Variants in ENTR1 observed in about 807,000 individuals in gnomAD.
The protein encoded by ENTR1 is endosome-associated-trafficking regulator 1.
ENTR1 carries 47 observed loss-of-function variants against 47.9 expected under a neutral mutation model. The observed-to-expected ratio is 0.98, with a 90% CI of 0.78 to 1.25. The LOEUF (loss-of-function observed/expected upper bound fraction) is 1.25. Ranked by LOEUF, ENTR1 falls within the 50% of genes most tolerant of loss-of-function variation. The pLI is 0.00. For synonymous variants in ENTR1, 290 were observed against 245.8 expected, an observed-to-expected ratio of 1.18 and a Z score of -1.68; for missense variants, 668 against 570.5, an observed-to-expected ratio of 1.17 and a Z score of -1.74.
rs771038314 is a variant in ENTR1 at position 136,405,206 on chromosome 9, G to A, written c.894-4C>T. 1 of 1,611,432 alleles carries A rather than the reference G, an allele frequency of 6.2e-7. No homozygotes were observed. Among genetic ancestry groups the A allele is most frequent in the Non-Finnish European group, 8.5e-7 (1 of 1,177,712 alleles). On this transcript the variant is annotated splice_polypyrimidine_tract_variant and splice_region_variant and intron_variant, in intron 6 of 9. Transcript: ENST00000357365. ...CTTCCGCTCAAGCGTCCTCACCCTT[G>A]TTAAAGAAAAACCCGAGTTGTTAAT...
rs138709272 is a variant in ENTR1, at chr9:136,403,578, G to A, written c.1208+477C>T. On this transcript the variant is annotated intron_variant, in intron 9 of 9. Transcript: ENST00000357365. ...CCCACACCTGACTTCACAGGAGACGGCTCCCTTGTTCACAGGGAGTGCTCT... is the reference window on the plus strand; with the variant it reads ...CCCACACCTGACTTCACAGGAGACGACTCCCTTGTTCACAGGGAGTGCTCT... Among the ~76,000 whole-genome samples, 221 of 152,148 alleles carry A rather than the reference G, an allele frequency of 1.5e-3. 1 individual carries two copies. The highest frequency in any genetic ancestry group is 5.0e-3 in the African/African-American group (209 of 41,496).
intron 7 of ENTR1, 134 bp from the exon 8 acceptor site, chr9:136,404,827 C>G: frequency 1.2e-6 from 1 of 843,744 alleles, no homozygotes; most frequent in Non-Finnish European, 1.9e-6. Context: ...GTGCCCCTCC[C>G]AGTCCCGCCT....
At position 136,403,979 on chromosome 9, in the gene ENTR1, C is replaced by A. The variant is rs570521942; in HGVS notation, c.1208+76G>T. ...CCACGGTGCCATCAGCCTGGGCCCC[C>A]ACCCAGGATCACTGACGACCACTCC... On this transcript the variant is annotated intron_variant, in intron 9 of 9. Coordinates refer to ENST00000357365, the MANE Select transcript of ENTR1 (RefSeq NM_001039707.2). The A allele has an allele frequency of 7.5e-6, 11 of 1,472,330 alleles. No individual in the cohort carries two copies. The South Asian group carries it at 1.1e-4, about 15-fold the overall frequency. The allele number at this position is 1,472,330 out of a possible 1,614,324, so 91.2% of individuals were successfully genotyped here.
At chr9:136,410,307 C>T in intron 1 of ENTR1, 21 bp downstream of exon 1, 6 of 1,549,886 alleles carry the variant, frequency 3.9e-6, no homozygotes, top group Non-Finnish European at 5.2e-6. Context: ...GACCGCTGGA[C>T]TCGGCCCCTG....
chr9:136,406,120 A>C lies in ENTR1; in HGVS notation c.820-142T>G, dbSNP rs888422161. 1.4e-5 allele frequency: 7 copies of C among 509,756 alleles called. No individual in the cohort carries two copies. In the African/African-American group the frequency reaches 1.4e-4, roughly 10 times the overall value. 31.6% of individuals were successfully genotyped at this position (509,756 alleles called of 1,614,324 possible). ...ATCCACCTGCAGCCACTACAGAGGG[A>C]GACCACAGACGGAGGCAGGCACTTT... On this transcript the variant is annotated intron_variant, in intron 5 of 9. Coordinates refer to ENST00000357365, the MANE Select transcript of ENTR1 (RefSeq NM_001039707.2).
chr9:136,409,133 T>C, intron 2 of ENTR1, 66 bp from the exon 3 acceptor site: 11 of 1,473,124 alleles, frequency 7.5e-6, no homozygotes, highest in Non-Finnish European at 1.0e-5. Flanking sequence ...TTTGGTTTTT[T>C]TCTTTTGCAC....
At chr9:136,409,925 T>G in intron 2 of ENTR1, 165 bp downstream of exon 2, 1 of 851,786 alleles carries the variant, frequency 1.2e-6, no homozygotes, top group Non-Finnish European at 2.0e-6. Context: ...GCAACCAGAC[T>G]GTGAGCTCCT....
intron 2 of ENTR1, 52 bp from the exon 3 acceptor site, chr9:136,409,119 C>G: frequency 6.4e-7 from 1 of 1,555,920 alleles, no homozygotes; most frequent in Non-Finnish European, 8.9e-7. Context: ...TTTATGACCT[C>G]ACATTTGGTT....
At position 136,404,077 on chromosome 9, in the gene ENTR1, T is replaced by G; in HGVS notation, c.1186A>C (p.Asn396His). The G allele has an allele frequency of 6.2e-7, 1 of 1,612,746 alleles. No individual in the cohort carries two copies. The highest frequency in any genetic ancestry group is 8.5e-7 in the Non-Finnish European group (1 of 1,179,660). Residue 396 changes from asparagine (N) to histidine (H), a missense_variant, in exon 9 of 10, where the codon AAC (asparagine) becomes CAC (histidine). Physicochemically the swap from Asn to His is moderately conservative, Grantham distance 68. Coordinates refer to ENST00000357365, the MANE Select transcript of ENTR1 (RefSeq NM_001039707.2). ...CACTTGATGGAAGCCTGTGCACTGT[T>G]CATGACCACCCGGAGGTTCTGCAGG... Reference protein sequence around the residue: ...VALQNLRVVMNSAQASIKQLV... With the variant: ...VALQNLRVVMHSAQASIKQLV...
Position 136,409,966 on chromosome 9 carries a change from G to C in ENTR1, c.220+124C>G, listed in dbSNP as rs746335300. 1.2e-5 allele frequency: 14 copies of C among 1,195,178 alleles called. No individual in the cohort carries two copies. In the South Asian group the frequency reaches 1.8e-4, roughly 15 times the overall value. 74.0% of individuals were successfully genotyped at this position (1,195,178 alleles called of 1,614,324 possible). On this transcript the variant is annotated intron_variant, in intron 2 of 9. Coordinates refer to ENST00000357365, the MANE Select transcript of ENTR1 (RefSeq NM_001039707.2). The stretch of plus-strand genomic sequence containing the variant: ...GGGACTCCGCCTTTGAATTCCGAGT[G>C]CCTGGCACGCAGTGAGCGCTCTGCA...
At chr9:136,408,924 T>G (rs1588796262) in intron 3 of ENTR1, 75 bp downstream of exon 3, 1 of 1,183,758 alleles carries the variant, frequency 8.4e-7, no homozygotes. Context: ...CCAGTCACAT[T>G]GACAGTCCCA....
intron 7 of ENTR1, 152 bp from the exon 8 acceptor site, chr9:136,404,845 C>T (rs1243132345): frequency 1.3e-6 from 1 of 753,006 alleles, no homozygotes; most frequent in East Asian, 2.7e-5. Context: ...CCTCCACTCT[C>T]AGACCACCCC....
At chr9:136,404,438 A>C (rs1834662176) in intron 8 of ENTR1, among the ~76,000 whole-genome samples, 193 bp downstream of exon 8, 1 of 152,108 alleles carries the variant, frequency 6.6e-6, no homozygotes, top group Admixed American at 6.5e-5. Flanking sequence ...CCAGACCCCA[A>C]ACTCCCAACA....
chr9:136,402,648 G>A lies in ENTR1; in HGVS notation c.*140C>T, dbSNP rs1233912549. 3.4e-6 allele frequency: 2 copies of A among 592,308 alleles called. No individual in the cohort carries two copies. The highest frequency in any genetic ancestry group is 3.8e-5 in the African/African-American group (2 of 53,222). The allele number at this position is 592,308 out of a possible 1,614,324, so 36.7% of individuals were successfully genotyped here. ...TTGTGGTGGCCAAGAACTGGCTGAG[G>A]GCACGACACTGGACTCTTGCGATCA... is the stretch of plus-strand genomic sequence containing the variant. On this transcript the variant is annotated 3_prime_UTR_variant, in exon 10 of 10. Transcript: ENST00000357365.
Position 136,410,222 on chromosome 9 carries a change from G to A in ENTR1, c.88C>T (p.Arg30Cys), listed in dbSNP as rs764483737. The A allele has an allele frequency of 1.1e-5, 18 of 1,586,576 alleles. No individual in the cohort carries two copies. Among genetic ancestry groups the A allele is most frequent in the Non-Finnish European group, 1.5e-5 (17 of 1,167,748 alleles). ...AIPDAPAFYERRSCLPQLNCE... is the reference protein window; with the variant it reads ...AIPDAPAFYECRSCLPQLNCE... ...TTTAGCTGGGGGAGACAAGACCGGC[G>A]CTCATAGAACGCTGGAGCTGGAAGC... Residue 30 changes from arginine (R) to cysteine (C), a missense_variant, in exon 2 of 10, where the codon CGC becomes TGC. Arg to Cys is a radical substitution (Grantham distance 180). Transcript: ENST00000357365.
chr9:136,403,598 T>A (rs1564404663), intron 9 of ENTR1, among the ~76,000 whole-genome samples: 1 of 151,806 alleles, frequency 6.6e-6, no homozygotes, highest in African/African-American at 2.4e-5. Flanking sequence ...TCACAGGGAG[T>A]GCTCTGGGGG....
At position 136,410,526 on chromosome 9, in the gene ENTR1, C is replaced by T. The variant is rs1455024847; in HGVS notation, c.-129G>A. On this transcript the variant is annotated 5_prime_UTR_variant, in exon 1 of 10. Transcript: ENST00000357365. ...GCCCCCGTCGCCCGCCGCTCGGCCG[C>T]CCCCGCGCCTCCGAGCCTCTCGCCG... 9.6e-6 allele frequency: 10 copies of T among 1,044,556 alleles called. No individual in the cohort carries two copies. Among genetic ancestry groups the T allele is most frequent in the Non-Finnish European group, 3.6e-6 (3 of 836,030 alleles). 64.7% of individuals were successfully genotyped at this position (1,044,556 alleles called of 1,614,324 possible).
chr9:136,410,542 C>T lies in ENTR1; in HGVS notation c.-145G>A, dbSNP rs1348162909. The T allele has an allele frequency of 1.2e-5, 13 of 1,099,920 alleles. No individual in the cohort carries two copies. The highest frequency in any genetic ancestry group is 3.4e-5 in the East Asian group (1 of 29,630). 68.1% of individuals were successfully genotyped at this position (1,099,920 alleles called of 1,614,324 possible). On this transcript the variant is annotated 5_prime_UTR_variant, in exon 1 of 10. Transcript: ENST00000357365. ...GCTCGGCCGCCCCCGCGCCTCCGAG[C>T]CTCTCGCCGCTGCTTCCGCTCCGAG...
chr9:136,405,824 A>T (rs1834736117), intron 6 of ENTR1, 81 bp downstream of exon 6: 4 of 817,814 alleles, frequency 4.9e-6, no homozygotes, highest in Non-Finnish European at 7.8e-6. Flanking sequence ...TTTGACTCTG[A>T]TTACTTCATT....
Sources: gnomAD v4.1 joint callset for allele counts (sites outside exome capture counted in the v4.1 genomes callset) on GRCh38, gnomAD v4.1.1 for gene constraint, MANE v1.5 for transcripts, NCBI Gene and HGNC (gene_info 2026-07-23, HGNC 2026-07-21) for gene names.